TTLL6: variants seen among roughly 807,000 people sequenced by gnomAD.
The protein encoded by TTLL6 is tubulin tyrosine ligase like 6.
TTLL6 carries 75 observed loss-of-function variants against 96.4 expected under a neutral mutation model. The ratio of observed to expected loss-of-function variants is 0.78; its 90% confidence interval spans 0.65 to 0.94. The LOEUF is 0.94. TTLL6 is among the 40% of genes least tolerant of loss of function. The probability of loss-of-function intolerance (pLI) is 0.00; values close to 1 mark genes in which losing one functional copy is unlikely to be tolerated. For missense variants in TTLL6, 1,030 were observed against 1,093.0 expected (o/e 0.94, Z 0.81); for synonymous variants, 411 against 419.4 (o/e 0.98, Z 0.24).
rs1234680082 is a variant in TTLL6, at chr17:48,787,961, T to G, written c.1439A>C (p.Lys480Thr). Residue 480 changes from lysine (K) to threonine (T), a missense_variant, in exon 11 of 16, where the codon AAG becomes ACG. Lys to Thr is a moderately conservative substitution (Grantham distance 78, BLOSUM62 -1). Coordinates refer to ENST00000393382, the MANE Select transcript of TTLL6 (RefSeq NM_001130918.3). Reference sequence around the variant, plus strand: ...TTCCTTCTCATACGTTTCAGTTTTCTTTAACTGCACGGCCCGGAAACCCTT... The same window carrying G: ...TTCCTTCTCATACGTTTCAGTTTTCGTTAACTGCACGGCCCGGAAACCCTT... Reference protein sequence around the residue: ...EAKGFRAVQLKKTETYEKENC... With the variant: ...EAKGFRAVQLTKTETYEKENC... The G allele has an allele frequency of 1.2e-5, 19 of 1,614,180 alleles. No homozygotes were observed. Among genetic ancestry groups the G allele is most frequent in the Non-Finnish European group, 1.6e-5 (19 of 1,180,014 alleles).
Position 48,797,161 on chromosome 17 carries a change from A to G in TTLL6, c.812T>C (p.Val271Ala). 6.4e-7 allele frequency: 1 copy of G among 1,551,676 alleles called. No individual in the cohort carries two copies. The highest frequency in any genetic ancestry group is 8.7e-7 in the Non-Finnish European group (1 of 1,146,984). ...GAGAGGGTCACAGGATGTCACCAGT[A>G]CATAAATCCGTAGGTCAAACTTAAA... ...DGFKFDLRIY[V>A]LVTSCDPLRI... Residue 271 changes from valine (V) to alanine (A), a missense_variant, in exon 7 of 16, where the codon GTA becomes GCA. Physicochemically the swap from Val to Ala is moderately conservative, Grantham distance 64. Transcript: ENST00000393382.
chr17:48,777,050 C>CA (rs1416560696), intron 13 of TTLL6, among the ~76,000 whole-genome samples: 62 of 93,884 alleles, frequency 6.6e-4, no homozygotes, highest in African/African-American at 2.0e-3. Flanking sequence ...ACACACACAC[C>CA]CCTAAAAAAT....
At chr17:48,779,696 C>T (rs2143274117) in intron 13 of TTLL6, among the ~76,000 whole-genome samples, 1 of 152,264 alleles carries the variant, frequency 6.6e-6, no homozygotes, top group Middle Eastern at 3.4e-3. Context: ...AATGGATAAA[C>T]AAACTGTAGT....
rs769057755 is a variant in TTLL6, at chr17:48,770,047, G to T, written c.2091C>A (p.Ile697=). Reference sequence around the variant, plus strand: ...CCAGGGTTGGCGGAGACTTTGGGGAGATTGAGAGTTGGGTGGTGGATTCTG... The same window carrying T: ...CCAGGGTTGGCGGAGACTTTGGGGATATTGAGAGTTGGGTGGTGGATTCTG... ...TTPESTTQLS[I]SPKSPPTLAV... The change falls in exon 14 of 16, where the codon ATC becomes ATA. Residue 697 remains isoleucine (I), a synonymous_variant. Transcript: ENST00000393382. 6.2e-7 allele frequency: 1 copy of T among 1,613,992 alleles called. No individual in the cohort carries two copies.
Position 48,799,619 on chromosome 17 carries a change from C to T in TTLL6, c.753G>A (p.Gln251=), listed in dbSNP as rs867703220. ...EIKPGEDMIC[Q]LYISKPFIID... ...GAGGAAGTACCTTTGAAATATACAG[C>T]TGACAGATCATATCCTCCCCTGGTT... The change falls in exon 6 of 16, where the codon CAG becomes CAA. Residue 251 remains glutamine, a synonymous_variant. Coordinates refer to ENST00000393382, the MANE Select transcript of TTLL6 (RefSeq NM_001130918.3). 2 of 1,551,818 alleles carry T rather than the reference C, an allele frequency of 1.3e-6. No homozygotes were observed. The highest frequency in any genetic ancestry group is 2.7e-5 in the African/African-American group (2 of 73,044).
chr17:48,808,420 C>T (rs1378712051), intron 1 of TTLL6, among the ~76,000 whole-genome samples: 1 of 150,976 alleles, frequency 6.6e-6, no homozygotes, highest in East Asian at 1.9e-4. Context: ...ATATATGTTG[C>T]TTCCCAGAGG....
At chr17:48,771,447 A>T (rs1261337566) in intron 13 of TTLL6, among the ~76,000 whole-genome samples, 1 of 151,984 alleles carries the variant, frequency 6.6e-6, no homozygotes, top group Non-Finnish European at 1.5e-5. Context: ...TGAGCAACAC[A>T]GCAAGATCCT....
chr17:48,775,465 C>T (rs1172362065), intron 13 of TTLL6, among the ~76,000 whole-genome samples: 1 of 151,064 alleles, frequency 6.6e-6, no homozygotes, highest in Non-Finnish European at 1.5e-5. Flanking sequence ...GAAAAAAATC[C>T]ATATGATTAT....
In TTLL6 at chr17:48,790,039, T is replaced by C. The variant is rs2039189104; in HGVS notation, c.1292A>G (p.Tyr431Cys). 1 of 1,614,090 alleles carries C rather than the reference T, an allele frequency of 6.2e-7. No homozygotes were observed. Among genetic ancestry groups the C allele is most frequent in the African/African-American group, 1.3e-5 (1 of 74,944 alleles). Reference protein sequence around the residue: ...LDKEVKDGLLYDTLVLINLES... With the variant: ...LDKEVKDGLLCDTLVLINLES... ...CAGGTTGATCAGGACTAAGGTGTCA[T>C]ACAGCAGACCATCTTTCACCTCTTT... The change falls in exon 10 of 16, where the codon TAT becomes TGT. Residue 431 changes from tyrosine to cysteine, a missense_variant. Transcript: ENST00000393382.
chr17:48,801,674 G>C, intron 3 of TTLL6, 31 bp from the exon 4 acceptor site: 2 of 1,520,862 alleles, frequency 1.3e-6, no homozygotes, highest in Non-Finnish European at 1.8e-6. Context: ...TATTAGCCCA[G>C]GAAGTGGGGG....
intron 11 of TTLL6, among the ~76,000 whole-genome samples, 163 bp from the exon 12 acceptor site, chr17:48,786,498 G>T (rs768913968): frequency 2.0e-5 from 3 of 152,202 alleles, no homozygotes; most frequent in Non-Finnish European, 2.9e-5. Flanking sequence ...CAAGGAGCAG[G>T]GTGTGGAGGA....
In TTLL6 at chr17:48,785,000, A is replaced by G; in HGVS notation, c.1963T>C (p.Leu655=). ...CTGAAGTTGGGTTTACTGGGCTCCA[A>G]CTTCGAGCTGCTGAGATTGATATTC... is the stretch of plus-strand genomic sequence containing the variant. ...LRNINLSSSK[L]EPSKPNFSIK... The change falls in exon 13 of 16, where the codon TTG becomes CTG. Residue 655 remains leucine (L), a synonymous_variant. Transcript: ENST00000393382. 2 of 1,614,206 alleles carry G rather than the reference A, an allele frequency of 1.2e-6. No individual in the cohort carries two copies. Among genetic ancestry groups the G allele is most frequent in the Middle Eastern group, 3.3e-4 (2 of 6,062 alleles).
chr17:48,814,621 GCACTGGGACGGGTC>G (rs1043495470), intron 1 of TTLL6, among the ~76,000 whole-genome samples: 1 of 152,176 alleles, frequency 6.6e-6, no homozygotes, highest in African/African-American at 2.4e-5. Flanking sequence ...GAGGGAATGA[GCACTGGGACGGGTC>G]CACTGGGACG....
chr17:48,791,587 T>C lies in TTLL6; in HGVS notation c.1015A>G (p.Ser339Gly), dbSNP rs1421803943. The change falls in exon 9 of 16, where the codon AGT becomes GGT. Residue 339 changes from serine to glycine, a missense_variant. Transcript: ENST00000393382. ...TAGCTGTGGTCCTCCAAGTATGCAC[T>C]GAAGGTGGAGAGCTTCCTGGAAGGG... The part of the protein sequence containing the change: ...SGSKRKLSTF[S>G]AYLEDHSYNV... 11 of 1,611,614 alleles carry C rather than the reference T, an allele frequency of 6.8e-6. No individual in the cohort carries two copies. The highest frequency in any genetic ancestry group is 1.3e-5 in the African/African-American group (1 of 74,862).
chr17:48,798,481 C>T (rs1342297715), intron 6 of TTLL6, among the ~76,000 whole-genome samples: 2 of 151,980 alleles, frequency 1.3e-5, no homozygotes, highest in Non-Finnish European at 2.9e-5. Flanking sequence ...GCAGGAGAAT[C>T]ACTTGAACCT....
rs747621806 is a variant in TTLL6, at chr17:48,787,902, G to A, written c.1498C>T (p.Leu500=). Residue 500 remains leucine (L), a synonymous_variant, in exon 11 of 16, where the codon CTG becomes TTG. Coordinates refer to ENST00000393382, the MANE Select transcript of TTLL6 (RefSeq NM_001130918.3). Reference sequence around the variant, plus strand: ...AACTTCTCATACTTCTCCGAATTCAGACTGGGATAAATCAGTCGGAACCCT... The same window carrying A: ...AACTTCTCATACTTCTCCGAATTCAAACTGGGATAAATCAGTCGGAACCCT... The part of the protein sequence containing the change: ...CGGFRLIYPS[L]NSEKYEKFFQ... 10 of 1,614,190 alleles carry A rather than the reference G, an allele frequency of 6.2e-6. 1 individual carries two copies. In the Admixed American group the frequency reaches 1.7e-4, roughly 27 times the overall value.
At chr17:48,792,723 T>G (rs1338807983) in intron 8 of TTLL6, among the ~76,000 whole-genome samples, 1 of 152,148 alleles carries the variant, frequency 6.6e-6, no homozygotes, top group Non-Finnish European at 1.5e-5. Flanking sequence ...TAAAGACAGA[T>G]AAGCAAAGGA....
intron 6 of TTLL6, among the ~76,000 whole-genome samples, 189 bp downstream of exon 6, chr17:48,799,415 C>T (rs1249071370): frequency 6.6e-6 from 1 of 152,150 alleles, no homozygotes; most frequent in Non-Finnish European, 1.5e-5. Flanking sequence ...AAAAGGATAA[C>T]AGACACTCTG....
intron 5 of TTLL6, among the ~76,000 whole-genome samples, chr17:48,800,949 A>C (rs1268681849): frequency 6.6e-6 from 1 of 152,176 alleles, no homozygotes; most frequent in African/African-American, 2.4e-5. Flanking sequence ...AAGATTCAGA[A>C]ACTGCACAGT....
Sources: gnomAD v4.1 joint callset for allele counts (sites outside exome capture counted in the v4.1 genomes callset) on GRCh38, gnomAD v4.1.1 for gene constraint, MANE v1.5 for transcripts, NCBI Gene and HGNC (gene_info 2026-07-23, HGNC 2026-07-21) for gene names.